Variants in EDIL3 observed in about 807,000 individuals in gnomAD.
EDIL3 encodes EGF-like repeat and discoidin I-like domain-containing protein 3.
In EDIL3, 37 loss-of-function variants were observed where a neutral mutation model predicts 67.4. That is an observed-to-expected ratio of 0.55 (90% CI 0.42 to 0.72). The LOEUF (loss-of-function observed/expected upper bound fraction) is 0.72. Among genes scored for constraint, EDIL3 ranks in the 30% least tolerant of loss-of-function variants. The probability of loss-of-function intolerance (pLI) is 0.00; values close to 1 mark genes in which losing one functional copy is unlikely to be tolerated. For synonymous variants in EDIL3, 195 were observed against 196.3 expected (o/e 0.99, Z 0.05); for missense variants, 527 against 586.3 (o/e 0.90, Z 1.04).
intron 2 of EDIL3, among the ~76,000 whole-genome samples, chr5:84,242,397 C>T (rs954397065): frequency 2.6e-5 from 4 of 152,156 alleles, no homozygotes; most frequent in Non-Finnish European, 4.4e-5. Flanking sequence ...AGCTTCTTAA[C>T]CACACCCCCA....
chr5:84,052,613 G>A (rs898846856), intron 9 of EDIL3, among the ~76,000 whole-genome samples: 1 of 152,140 alleles, frequency 6.6e-6, no homozygotes, highest in South Asian at 2.1e-4. Flanking sequence ...GATGGAGGAA[G>A]ATGTACCAAG....
chr5:83,942,181 A>G lies in EDIL3; in HGVS notation c.*1238T>C, dbSNP rs1744234817. 3 of 152,070 alleles carry G rather than the reference A, an allele frequency of 2.0e-5. No homozygotes were observed. The highest frequency in any genetic ancestry group is 1.9e-4 in the East Asian group (1 of 5,180). 9.4% of individuals were successfully genotyped at this position (152,070 alleles called of 1,614,324 possible). On this transcript the variant is annotated 3_prime_UTR_variant, in exon 11 of 11. Coordinates refer to ENST00000296591, the MANE Select transcript of EDIL3 (RefSeq NM_005711.5). ...CATGTCAATGAAACCTCCAGTATCA[A>G]TAACAAATTGTTATGATAATTGCTT...
intron 9 of EDIL3, among the ~76,000 whole-genome samples, chr5:83,985,895 C>T (rs1225365951): frequency 1.3e-5 from 2 of 151,824 alleles, no homozygotes; most frequent in Non-Finnish European, 2.9e-5. Context: ...TTTCATATAT[C>T]AAGTTCCAAC....
intron 9 of EDIL3, among the ~76,000 whole-genome samples, chr5:83,984,089 G>A (rs968704901): frequency 6.6e-6 from 1 of 152,006 alleles, no homozygotes; most frequent in African/African-American, 2.4e-5. Context: ...GCTAAGTCAG[G>A]GCAGTTGGTT....
chr5:84,074,659 A>C (rs989778158), intron 6 of EDIL3, among the ~76,000 whole-genome samples: 29 of 151,936 alleles, frequency 1.9e-4, no homozygotes, highest in Non-Finnish European at 3.4e-4. Context: ...ATACCATCTC[A>C]CACCAGTTAG....
chr5:84,291,749 T>G (rs192691050), intron 1 of EDIL3, among the ~76,000 whole-genome samples: 160 of 143,230 alleles, frequency 1.1e-3, no homozygotes, highest in Non-Finnish European at 1.8e-3. Context: ...TATATAGATA[T>G]ATCTATATAT....
At chr5:84,185,353 A>G (rs1464913286) in intron 3 of EDIL3, among the ~76,000 whole-genome samples, 1 of 152,186 alleles carries the variant, frequency 6.6e-6, no homozygotes, top group East Asian at 1.9e-4. Context: ...AGTGTATTAG[A>G]TATTAGGAAC....
At chr5:84,001,451 G>A (rs755113407) in intron 9 of EDIL3, among the ~76,000 whole-genome samples, 1 of 151,640 alleles carries the variant, frequency 6.6e-6, no homozygotes, top group African/African-American at 2.4e-5. Context: ...AGAAGATAAA[G>A]ATCACAGTAG....
intron 4 of EDIL3, among the ~76,000 whole-genome samples, chr5:84,160,733 T>C (rs1748587293): frequency 8.3e-6 from 1 of 120,670 alleles, no homozygotes; most frequent in Non-Finnish European, 1.9e-5. Flanking sequence ...CTTCTTTTTT[T>C]TCTTTTCTTT....
chr5:84,080,969 T>C (rs1030485), intron 6 of EDIL3, among the ~76,000 whole-genome samples: 103,368 of 152,122 alleles, frequency 0.68, 36,420 homozygotes, highest in African/African-American at 0.88. Flanking sequence ...ATTAACTTAA[T>C]TGTCCTCTTT....
chr5:83,975,690 A>G (rs940556842), intron 9 of EDIL3, among the ~76,000 whole-genome samples: 1 of 151,908 alleles, frequency 6.6e-6, no homozygotes, highest in Non-Finnish European at 1.5e-5. Context: ...ATATATTATA[A>G]GTGTTTAAGG....
chr5:84,264,885 C>G (rs550870713), intron 1 of EDIL3, among the ~76,000 whole-genome samples: 6 of 152,246 alleles, frequency 3.9e-5, no homozygotes, highest in Non-Finnish European at 1.5e-5. Flanking sequence ...AGTGCCACGT[C>G]CAGCTGTAGA....
intron 8 of EDIL3, among the ~76,000 whole-genome samples, chr5:84,060,854 T>TA (rs1265100210): frequency 6.6e-6 from 1 of 152,170 alleles, no homozygotes; most frequent in Non-Finnish European, 1.5e-5. Context: ...ATTGTGTCTT[T>TA]AAAAATGGGA....
chr5:84,007,068 A>C (rs889305293), intron 9 of EDIL3, among the ~76,000 whole-genome samples: 9 of 152,240 alleles, frequency 5.9e-5, no homozygotes, highest in African/African-American at 2.2e-4. Context: ...ATGCTTGGAA[A>C]ACTGGATATC....
chr5:84,309,500 C>A (rs973774759), intron 1 of EDIL3, among the ~76,000 whole-genome samples: 25 of 151,856 alleles, frequency 1.6e-4, no homozygotes, highest in African/African-American at 5.8e-4. Flanking sequence ...CCCGTCCCCC[C>A]ACCCCACAAC....
chr5:84,249,703 A>T (rs1018950066), intron 2 of EDIL3, among the ~76,000 whole-genome samples: 4 of 152,168 alleles, frequency 2.6e-5, no homozygotes, highest in African/African-American at 9.7e-5. Context: ...ACTTTTTACT[A>T]GTTTAATGGA....
intron 1 of EDIL3, among the ~76,000 whole-genome samples, chr5:84,337,249 C>T (rs1272595028): frequency 6.6e-6 from 1 of 152,118 alleles, no homozygotes; most frequent in Admixed American, 6.6e-5. Flanking sequence ...GGTACAAAGC[C>T]AAATCTTGAG....
At chr5:83,964,522 AATAG>A (rs533888470) in intron 9 of EDIL3, among the ~76,000 whole-genome samples, 282 of 152,066 alleles carry the variant, frequency 1.9e-3, no homozygotes, top group Middle Eastern at 3.4e-3. Flanking sequence ...GGTAGCCACA[AATAG>A]ATAGTCATGG....
In EDIL3 at chr5:84,318,276, C is replaced by A. The variant is rs192507361; in HGVS notation, c.68-64064G>T. Reference sequence around the variant, plus strand: ...CAATGCTATCCCCATCAAGCTACCACAATTTTCCTCACAGAATTGGAAAAA... The same window carrying A: ...CAATGCTATCCCCATCAAGCTACCAAAATTTTCCTCACAGAATTGGAAAAA... On this transcript the variant is annotated intron_variant, in intron 1 of 10. Coordinates refer to ENST00000296591, the MANE Select transcript of EDIL3 (RefSeq NM_005711.5). 5.3e-4 allele frequency among the ~76,000 whole-genome samples: 80 copies of A among 152,126 alleles called. No homozygotes were observed. In the East Asian group the frequency reaches 0.014, roughly 26 times the overall value.
Sources: gnomAD v4.1 joint callset for allele counts (sites outside exome capture counted in the v4.1 genomes callset) on GRCh38, gnomAD v4.1.1 for gene constraint, MANE v1.5 for transcripts, NCBI Gene and HGNC (gene_info 2026-07-23, HGNC 2026-07-21) for gene names.